Variants in PLXNA4 observed in about 807,000 individuals in gnomAD.
PLXNA4 encodes the protein plexin-A4.
Under a neutral mutation model 191.8 loss-of-function variants are expected in PLXNA4, and 44 were observed. The ratio of observed to expected loss-of-function variants is 0.23; its 90% CI spans 0.18 to 0.29. The LOEUF (loss-of-function observed/expected upper bound fraction) is 0.29, where lower values mean the gene tolerates loss of function less well. PLXNA4 is among the 10% of genes least tolerant of loss of function. The probability of loss-of-function intolerance (pLI) is 1.00; values close to 1 mark genes in which losing one functional copy is unlikely to be tolerated. For missense variants in PLXNA4, 1,800 were observed against 2,488.8 expected (o/e 0.72, Z 5.89); for synonymous variants, 1,082 against 1,009.5 (o/e 1.07, Z -1.36).
At chr7:132,540,862 C>T (rs1197451074) in intron 1 of PLXNA4, among the ~76,000 whole-genome samples, 1 of 152,020 alleles carries the variant, frequency 6.6e-6, no homozygotes, top group East Asian at 1.9e-4. Flanking sequence ...GCTGGGATTA[C>T]AGGCGTGAGC....
At chr7:132,499,880 A>T (rs1357625984) in intron 2 of PLXNA4, among the ~76,000 whole-genome samples, 1 of 152,158 alleles carries the variant, frequency 6.6e-6, no homozygotes, top group African/African-American at 2.4e-5. Context: ...TGGCACAGAG[A>T]CCAGGGAAGG....
rs75197061 is a variant in PLXNA4 at position 132,157,009 on chromosome 7, A to G, written c.4660+2464T>C. On this transcript the variant is annotated intron_variant, in intron 25 of 31. Transcript: ENST00000321063. ...CTCAGTGTGATGCCCCTTCCCAGTG[A>G]GAGGGGGGCCCTGAGGTTCAAACTG... Among the ~76,000 whole-genome samples the G allele has an allele frequency of 1.2e-4, 19 of 152,276 alleles. 1 individual carries two copies. In the East Asian group the frequency reaches 3.5e-3, roughly 28 times the overall value.
intron 2 of PLXNA4, among the ~76,000 whole-genome samples, chr7:132,598,357 C>T (rs1365276618): frequency 6.6e-6 from 1 of 152,160 alleles, no homozygotes; most frequent in Non-Finnish European, 1.5e-5. Context: ...GATTCGCCAG[C>T]CTCGGCCTCT....
At chr7:132,187,354 C>T (rs1365060687) in intron 15 of PLXNA4, 117 bp downstream of exon 15, 1 of 1,469,812 alleles carries the variant, frequency 6.8e-7, no homozygotes, top group Non-Finnish European at 9.1e-7. Flanking sequence ...GCAAGAAGAA[C>T]CTGTCAGGTG....
chr7:132,365,360 T>TGTGTGTGCGC lies in PLXNA4; in HGVS notation c.1372-67139_1372-67138insGCGCACACAC. On this transcript the variant is annotated intron_variant, in intron 3 of 31. Transcript: ENST00000321063. Reference sequence around the variant, plus strand: ...GTGTGTGTGTGTGTGTGTGTGTGTGTGCGTGCGCGCGCATGCATGGGGCAA... The same window carrying TGTGTGTGCGC: ...GTGTGTGTGTGTGTGTGTGTGTGTGTGTGTGTGCGCGCGTGCGCGCGCATGCATGGGGCAA... 2.6e-3 allele frequency among the ~76,000 whole-genome samples: 331 copies of TGTGTGTGCGC among 128,810 alleles called. 5 individuals carry two copies. Among genetic ancestry groups the TGTGTGTGCGC allele is most frequent in the African/African-American group, 8.2e-3 (277 of 33,814 alleles). The allele number at this position is 128,810 out of a possible 152,430, so 84.5% of individuals were successfully genotyped here. A position where few individuals can be genotyped will look rare whatever the true frequency, so the allele number is the denominator to read the frequency against.
intron 29 of PLXNA4, among the ~76,000 whole-genome samples, chr7:132,144,815 G>A (rs545642540): frequency 2.0e-5 from 3 of 152,302 alleles, no homozygotes; most frequent in Admixed American, 6.5e-5. Context: ...TGTCCTGGCC[G>A]TGACATTTGG....
At chr7:132,308,881 T>C (rs192772846) in intron 3 of PLXNA4, among the ~76,000 whole-genome samples, 10 of 152,164 alleles carry the variant, frequency 6.6e-5, no homozygotes, top group African/African-American at 2.2e-4. Flanking sequence ...ACAACCCTGA[T>C]ATAAAGAGGT....
chr7:132,595,056 GC>G (rs1353323435), intron 2 of PLXNA4, among the ~76,000 whole-genome samples: 1 of 151,830 alleles, frequency 6.6e-6, no homozygotes, highest in East Asian at 1.9e-4. Flanking sequence ...TAGATAGAGA[GC>G]TTTGCTAGGC....
intron 4 of PLXNA4, among the ~76,000 whole-genome samples, chr7:132,283,450 T>C (rs1460430741): frequency 6.6e-6 from 1 of 152,206 alleles, no homozygotes; most frequent in Non-Finnish European, 1.5e-5. Context: ...GGCATTTGTG[T>C]GAGCATGAGC....
At chr7:132,159,668 G>T in intron 24 of PLXNA4, 36 bp from the exon 25 acceptor site, 4 of 1,610,088 alleles carry the variant, frequency 2.5e-6, no homozygotes, top group Non-Finnish European at 2.5e-6. Context: ...CATATGAAAT[G>T]GGGTAGCAGG....
intron 4 of PLXNA4, among the ~76,000 whole-genome samples, chr7:132,279,107 T>C (rs1177743541): frequency 1.3e-5 from 2 of 152,180 alleles, no homozygotes; most frequent in Non-Finnish European, 2.9e-5. Context: ...TGCACAAAGT[T>C]ACAGGGAAAA....
At chr7:132,224,747 C>T (rs911459752) in intron 8 of PLXNA4, among the ~76,000 whole-genome samples, 11 of 152,106 alleles carry the variant, frequency 7.2e-5, no homozygotes, top group African/African-American at 2.7e-4. Flanking sequence ...AGGAGAGTCC[C>T]AGGGCTAGAG....
intron 4 of PLXNA4, among the ~76,000 whole-genome samples, chr7:132,276,939 C>G (rs1044878272): frequency 6.6e-6 from 1 of 152,054 alleles, no homozygotes; most frequent in African/African-American, 2.4e-5. Flanking sequence ...AGGTGCTGAG[C>G]CCCTAGATGG....
In PLXNA4 at chr7:132,147,946, G is replaced by C. The variant is rs199524845; in HGVS notation, c.4818C>G (p.Asn1606Lys). 6.2e-7 allele frequency: 1 copy of C among 1,614,118 alleles called. No homozygotes were observed. Among genetic ancestry groups the C allele is most frequent in the Admixed American group, 1.7e-5 (1 of 60,012 alleles). ...TGGAGACGGTGGAGTTGTTCACTGC[G>C]TTATAGGCTGTCACCTGCTTGGACA... is the stretch of plus-strand genomic sequence containing the variant. ...ALVSKQVTAYNAVNNSTVSRT... is the reference protein window; with the variant it reads ...ALVSKQVTAYKAVNNSTVSRT... Residue 1606 changes from asparagine to lysine, a missense_variant, in exon 27 of 32, where the codon AAC becomes AAG. This residue lies in a region of PLXNA4 where 214 missense variants were observed against 298.2 expected (regional missense o/e 0.72). Transcript: ENST00000321063.
At chr7:132,352,390 A>C (rs1444234424) in intron 3 of PLXNA4, 1 of 152,146 alleles carries the variant, frequency 6.6e-6, no homozygotes, top group Non-Finnish European at 1.5e-5. Context: ...CTGTGAGTAG[A>C]GCCCCAGGGA....
intron 3 of PLXNA4, among the ~76,000 whole-genome samples, chr7:132,335,076 T>C (rs1802763671): frequency 6.6e-6 from 1 of 152,258 alleles, no homozygotes; most frequent in African/African-American, 2.4e-5. Flanking sequence ...TCAAACTTGA[T>C]ACTCCTTAAT....
chr7:132,412,956 T>A (rs1794518392), intron 3 of PLXNA4, among the ~76,000 whole-genome samples: 1 of 151,858 alleles, frequency 6.6e-6, no homozygotes, highest in Non-Finnish European at 1.5e-5. Flanking sequence ...ATTGCTGATG[T>A]GGAGGGATTA....
chr7:132,422,419 A>G (rs116780860), intron 3 of PLXNA4, among the ~76,000 whole-genome samples: 2,057 of 152,336 alleles, frequency 0.014, 42 homozygotes, highest in African/African-American at 0.047. Flanking sequence ...AGGATATGCA[A>G]CTTACCCAAA....
At chr7:132,452,067 T>C (rs1796143804) in intron 3 of PLXNA4, among the ~76,000 whole-genome samples, 2 of 152,196 alleles carry the variant, frequency 1.3e-5, no homozygotes, top group Admixed American at 6.5e-5. Flanking sequence ...CACACAAGAG[T>C]TTCTTGCCCT....
Sources: gnomAD v4.1 joint callset for allele counts (sites outside exome capture counted in the v4.1 genomes callset) on GRCh38, gnomAD v4.1.1 for gene constraint, gnomAD v4.1.1 regional missense constraint, MANE v1.5 for transcripts, NCBI Gene and HGNC (gene_info 2026-07-23, HGNC 2026-07-21) for gene names.